TRAPPC3L: variants seen among roughly 807,000 people sequenced by gnomAD.
TRAPPC3L encodes trafficking protein particle complex subunit 3L.
TRAPPC3L carries 23 observed loss-of-function variants against 23.7 expected under a neutral mutation model. The observed-to-expected ratio is 0.97, with a 90% CI of 0.70 to 1.37. The LOEUF (loss-of-function observed/expected upper bound fraction) is 1.37, where lower values mean the gene tolerates loss of function less well. Among genes scored for constraint, TRAPPC3L ranks in the 40% most tolerant of loss-of-function variants. The probability of loss-of-function intolerance (pLI) is 0.00; values close to 1 mark genes in which losing one functional copy is unlikely to be tolerated. For missense variants in TRAPPC3L, 212 were observed against 216.8 expected (o/e 0.98, Z 0.14); for synonymous variants, 81 against 77.9 (o/e 1.04, Z -0.21).
chr6:116,515,821 T>A, intron 3 of TRAPPC3L: 1 of 1,614,008 alleles, frequency 6.2e-7, no homozygotes, highest in African/African-American at 1.3e-5. Context: ...CAGATCCTTT[T>A]CCCATGCCTA....
In TRAPPC3L at chr6:116,496,878, C is replaced by A; in HGVS notation, c.*76G>T. ...TCAAAGCTCATGCTATGAAGCAATT[C>A]AAAATTTCTATGTCTATACATGTTT... On this transcript the variant is annotated 3_prime_UTR_variant, in exon 5 of 5. Coordinates refer to ENST00000368602, the MANE Select transcript of TRAPPC3L (RefSeq NM_001139444.3). 6.9e-7 allele frequency: 1 copy of A among 1,445,520 alleles called. No homozygotes were observed. The highest frequency in any genetic ancestry group is 1.5e-5 in the South Asian group (1 of 66,436). 89.5% of individuals were successfully genotyped at this position (1,445,520 alleles called of 1,614,324 possible).
intron 3 of TRAPPC3L, among the ~76,000 whole-genome samples, chr6:116,508,765 T>C (rs1202502113): frequency 6.6e-6 from 1 of 151,864 alleles, no homozygotes; most frequent in Non-Finnish European, 1.5e-5. Context: ...CCCTAAGAAG[T>C]GGAACAAGAC....
At chr6:116,532,849 G>T (rs73769122) in intron 3 of TRAPPC3L, among the ~76,000 whole-genome samples, 1 of 152,170 alleles carries the variant, frequency 6.6e-6, no homozygotes, top group African/African-American at 2.4e-5. Context: ...GGTTAATCAT[G>T]GGTTCCCTTA....
rs117474830 is a variant in TRAPPC3L, at chr6:116,497,182, A to T, written c.427-109T>A. The T allele has an allele frequency of 6.7e-5, 93 of 1,393,644 alleles. No homozygotes were observed. The East Asian group carries it at 7.9e-4, about 12-fold the overall frequency. The allele number at this position is 1,393,644 out of a possible 1,614,324, so 86.3% of individuals were successfully genotyped here. A position where few individuals can be genotyped will look rare whatever the true frequency, so the allele number is the denominator to read the frequency against. ...TTACTTTCCTTAAGAAATGATTTTT[A>T]AAAAAGCTTGTTCGTGGATAAAGGG... On this transcript the variant is annotated intron_variant, in intron 4 of 4. Coordinates refer to ENST00000368602, the MANE Select transcript of TRAPPC3L (RefSeq NM_001139444.3).
At chr6:116,538,396 G>A (rs1158824227) in intron 3 of TRAPPC3L, among the ~76,000 whole-genome samples, 2 of 152,162 alleles carry the variant, frequency 1.3e-5, no homozygotes, top group African/African-American at 4.8e-5. Context: ...GGTTGTATAT[G>A]CCTCTACTTC....
intron 3 of TRAPPC3L, chr6:116,516,163 C>T: frequency 2.5e-6 from 2 of 804,460 alleles, no homozygotes; most frequent in Non-Finnish European, 3.6e-6. Context: ...TCAGGATGTG[C>T]TCAAATTGAT....
At chr6:116,501,191 C>T (rs747726038) in intron 3 of TRAPPC3L, among the ~76,000 whole-genome samples, 4 of 152,324 alleles carry the variant, frequency 2.6e-5, no homozygotes, top group Admixed American at 6.5e-5. Flanking sequence ...GATTCCCTCC[C>T]GAGCCTGTGA....
intron 1 of TRAPPC3L, 64 bp downstream of exon 1, chr6:116,545,409 C>A: frequency 7.1e-7 from 1 of 1,409,132 alleles, no homozygotes; most frequent in Non-Finnish European, 9.7e-7. Context: ...TAAAATCAAT[C>A]AGAAATCACT....
At chr6:116,527,938 T>C (rs529409574) in intron 3 of TRAPPC3L, among the ~76,000 whole-genome samples, 1 of 152,348 alleles carries the variant, frequency 6.6e-6, no homozygotes, top group African/African-American at 2.4e-5. Context: ...GTTCAGCACA[T>C]GTATCCCAGA....
At chr6:116,526,853 A>G (rs1322000148) in intron 3 of TRAPPC3L, among the ~76,000 whole-genome samples, 1 of 152,022 alleles carries the variant, frequency 6.6e-6, no homozygotes, top group Non-Finnish European at 1.5e-5. Flanking sequence ...TTTTCAGTCC[A>G]CTTAGGTTTG....
chr6:116,543,915 G>A, intron 1 of TRAPPC3L: 1 of 1,421,268 alleles, frequency 7.0e-7, no homozygotes, highest in Non-Finnish European at 9.5e-7. Flanking sequence ...AGGGGAATGT[G>A]ATATTTCCTT....
chr6:116,534,188 T>C (rs1772929178), intron 3 of TRAPPC3L, among the ~76,000 whole-genome samples: 1 of 152,142 alleles, frequency 6.6e-6, no homozygotes, highest in Admixed American at 6.5e-5. Flanking sequence ...CATTTTGAAA[T>C]GATTGTGTGA....
chr6:116,507,628 G>A (rs1302003724), intron 3 of TRAPPC3L, among the ~76,000 whole-genome samples: 1 of 152,050 alleles, frequency 6.6e-6, no homozygotes, highest in East Asian at 1.9e-4. Flanking sequence ...TAATATATAC[G>A]GGTTTGGTAC....
At chr6:116,515,584 T>G (rs1237050499) in intron 3 of TRAPPC3L, 1 of 1,593,918 alleles carries the variant, frequency 6.3e-7, no homozygotes, top group African/African-American at 1.4e-5. Context: ...GTACTCAATA[T>G]TTCTTTCTTC....
chr6:116,535,416 G>T (rs1773015218), intron 3 of TRAPPC3L, among the ~76,000 whole-genome samples: 1 of 152,080 alleles, frequency 6.6e-6, no homozygotes, highest in African/African-American at 2.4e-5. Flanking sequence ...ACTTTCAAAA[G>T]GCAACATTAT....
intron 3 of TRAPPC3L, among the ~76,000 whole-genome samples, chr6:116,509,096 A>T: frequency 2.1e-5 from 3 of 143,184 alleles, no homozygotes; most frequent in East Asian, 4.1e-4. Context: ...AGTTGTAAAA[A>T]AAAAAAAAAA....
chr6:116,506,592 T>A (rs1023452171), intron 3 of TRAPPC3L, among the ~76,000 whole-genome samples: 1 of 152,116 alleles, frequency 6.6e-6, no homozygotes, highest in Admixed American at 6.6e-5. Flanking sequence ...CTATTCACAA[T>A]AGCAAAGACT....
chr6:116,497,587 A>G (rs1771850152), intron 4 of TRAPPC3L, among the ~76,000 whole-genome samples: 1 of 152,202 alleles, frequency 6.6e-6, no homozygotes, highest in Non-Finnish European at 1.5e-5. Flanking sequence ...AATGAATTAT[A>G]GATATAAAAT....
rs367619378 is a variant in TRAPPC3L at position 116,496,964 on chromosome 6, C to G, written c.536G>C (p.Gly179Ala). ...TTTCCGTGCTAGTCTTCATTTTTTC[C>G]CTCTATATTTTTTCTCGTCTCGCTT... ...LKKRDEKKYR[G>A]KK Residue 179 changes from glycine to alanine, a missense_variant, in exon 5 of 5, where the codon GGG becomes GCG. By Grantham distance (60) the Gly-to-Ala change is moderately conservative. Coordinates refer to ENST00000368602, the MANE Select transcript of TRAPPC3L (RefSeq NM_001139444.3). 1.4e-5 allele frequency: 21 copies of G among 1,542,668 alleles called. No homozygotes were observed. The highest frequency in any genetic ancestry group is 1.8e-5 in the Non-Finnish European group (21 of 1,144,722).
Sources: gnomAD v4.1 joint callset for allele counts (sites outside exome capture counted in the v4.1 genomes callset) on GRCh38, gnomAD v4.1.1 for gene constraint, MANE v1.5 for transcripts, NCBI Gene and HGNC (gene_info 2026-07-23, HGNC 2026-07-21) for gene names.